The following CNIH3 variants were observed in gnomAD, a reference collection of about 807,000 sequenced individuals.
CNIH3 encodes the protein protein cornichon homolog 3.
In CNIH3, 14 loss-of-function variants were observed where a neutral mutation model predicts 24.1. The observed-to-expected ratio is 0.58, with a 90% CI of 0.38 to 0.91. The LOEUF (loss-of-function observed/expected upper bound fraction) is 0.91. Among genes scored for constraint, CNIH3 ranks in the 40% least tolerant of loss-of-function variants. The pLI is 0.00. For synonymous variants in CNIH3, 68 were observed against 73.8 expected (o/e 0.92, Z 0.40); for missense variants, 178 against 196.8 (o/e 0.90, Z 0.57).
chr1:224,689,573 A>G lies in CNIH3; in HGVS notation c.198+4730A>G, dbSNP rs182768156. Among the ~76,000 whole-genome samples, 115 of 152,228 alleles carry G rather than the reference A, an allele frequency of 7.6e-4. 2 individuals carry two copies. The East Asian group carries it at 0.021, about 28-fold the overall frequency. ...GTTCCGATTCCCAAGCTGTGAGCAC[A>G]TGTTGGGGATGGCGGGGAGGGTTAA... On this transcript the variant is annotated intron_variant, in intron 3 of 5. Transcript: ENST00000272133.
At chr1:224,635,734 C>T (rs971751767) in intron 1 of CNIH3, among the ~76,000 whole-genome samples, 2 of 152,206 alleles carry the variant, frequency 1.3e-5, no homozygotes, top group African/African-American at 4.8e-5. Flanking sequence ...CAGGGTCTCA[C>T]TTTGTTGCCT....
At chr1:224,730,604 C>A in intron 4 of CNIH3, 30 bp downstream of exon 4, 1 of 1,393,170 alleles carries the variant, frequency 7.2e-7, no homozygotes, top group Non-Finnish European at 1.0e-6. Flanking sequence ...GTATATCCTT[C>A]GTCTTTTCTG....
At chr1:224,553,618 C>T (rs1680017083) in intron 3 of CNIH3, among the ~76,000 whole-genome samples, 1 of 152,156 alleles carries the variant, frequency 6.6e-6, no homozygotes, top group Non-Finnish European at 1.5e-5. Context: ...CTACAGCCCG[C>T]TGTGGAAAGT....
At chr1:224,488,476 G>C (rs552848220) in intron 1 of CNIH3, among the ~76,000 whole-genome samples, 3 of 129,778 alleles carry the variant, frequency 2.3e-5, no homozygotes, top group Non-Finnish European at 3.2e-5. Flanking sequence ...TGGGGGGTGG[G>C]GGGGAACAGA....
rs370355767 is a variant in CNIH3 at position 224,688,879 on chromosome 1, C to T, written c.198+4036C>T. Among the ~76,000 whole-genome samples, 6 of 149,520 alleles carry T rather than the reference C, an allele frequency of 4.0e-5. No individual in the cohort carries two copies. The East Asian group carries it at 7.9e-4, about 20-fold the overall frequency. On this transcript the variant is annotated intron_variant, in intron 3 of 5. Coordinates refer to ENST00000272133, the MANE Select transcript of CNIH3 (RefSeq NM_152495.2). ...GGTGGAGGTTGCAGTGAGCCGAGAT[C>T]GCGCCATTGCACTCCAGCCTGGGCA...
At position 224,545,928 on chromosome 1, in the gene CNIH3, T is replaced by A. The variant is rs147570662; in HGVS notation, n.340-901T>A. Among the ~76,000 whole-genome samples the A allele has an allele frequency of 1.1e-3, 173 of 152,280 alleles. 2 individuals carry two copies. The East Asian group carries it at 0.028, about 25-fold the overall frequency. ...AGTCCAACATCAAGGTGTTGGCAGC[T>A]TTGGTTTCTCCCGAGGCCCCTCTCC... On this transcript the variant is annotated intron_variant and non_coding_transcript_variant, in intron 2 of 5. Transcript: ENST00000471578.
chr1:224,496,019 C>T (rs114658440), intron 1 of CNIH3, among the ~76,000 whole-genome samples: 1 of 152,272 alleles, frequency 6.6e-6, no homozygotes, highest in African/African-American at 2.4e-5. Flanking sequence ...TGGAGTGAAA[C>T]ATAATCTGGG....
chr1:224,739,319 T>TTTTTC lies in CNIH3; in HGVS notation c.456-9_456-8insTTTCT. 2 of 1,427,338 alleles carry TTTTTC rather than the reference T, an allele frequency of 1.4e-6. No individual in the cohort carries two copies. Among genetic ancestry groups the TTTTTC allele is most frequent in the Non-Finnish European group, 1.9e-6 (2 of 1,062,798 alleles). The allele number at this position is 1,427,338 out of a possible 1,614,324, so 88.4% of individuals were successfully genotyped here. A position where few individuals can be genotyped will look rare whatever the true frequency, so the allele number is the denominator to read the frequency against. ...TCTTTTTTTTTTTTTTTTTTTTTTT[T>TTTTTC]TGCATTCAGCATGATCTACACTTTA... On this transcript the variant is annotated splice_polypyrimidine_tract_variant and intron_variant, in intron 5 of 5. Transcript: ENST00000272133.
chr1:224,443,692 G>T (rs1316539), intron 1 of CNIH3, among the ~76,000 whole-genome samples: 4,163 of 120,378 alleles, frequency 0.035, 161 homozygotes, highest in African/African-American at 0.18. Flanking sequence ...GATATCTATA[G>T]ATATAGATAT....
chr1:224,714,922 C>T (rs373587670), intron 3 of CNIH3, among the ~76,000 whole-genome samples: 3 of 152,190 alleles, frequency 2.0e-5, no homozygotes, highest in East Asian at 1.9e-4. Flanking sequence ...GTTCAGTCTT[C>T]GGACTAATCC....
At chr1:224,681,060 A>G (rs1306769129) in intron 2 of CNIH3, 34 bp downstream of exon 2, 42 of 1,570,052 alleles carry the variant, frequency 2.7e-5, no homozygotes, top group East Asian at 4.5e-5. Flanking sequence ...GGAAGGTGCT[A>G]TCACCCCAGG....
chr1:224,633,184 G>T (rs563764710), intron 1 of CNIH3, among the ~76,000 whole-genome samples: 1 of 151,714 alleles, frequency 6.6e-6, no homozygotes, highest in East Asian at 1.9e-4. Flanking sequence ...TTTGAGACAC[G>T]TTCTTGCTCT....
intron 1 of CNIH3, among the ~76,000 whole-genome samples, chr1:224,486,553 A>G (rs1413001974): frequency 1.3e-5 from 2 of 152,166 alleles, no homozygotes; most frequent in Admixed American, 6.6e-5. Context: ...ATACACACAT[A>G]CACTTATATG....
chr1:224,727,288 A>C (rs1689082427), intron 3 of CNIH3, among the ~76,000 whole-genome samples: 1 of 152,152 alleles, frequency 6.6e-6, no homozygotes, highest in South Asian at 2.1e-4. Flanking sequence ...AAACAACAAC[A>C]ACAACAACAA....
chr1:224,607,286 C>T (rs975449265), intron 3 of CNIH3, among the ~76,000 whole-genome samples: 1 of 152,108 alleles, frequency 6.6e-6, no homozygotes, highest in Non-Finnish European at 1.5e-5. Flanking sequence ...TAAGGACACA[C>T]CCAGGAAAAA....
intron 3 of CNIH3, among the ~76,000 whole-genome samples, chr1:224,720,365 C>T (rs1473974209): frequency 1.3e-5 from 2 of 151,912 alleles, no homozygotes; most frequent in Admixed American, 1.3e-4. Context: ...ATGAGGTCAG[C>T]TCCCTCCTCT....
At chr1:224,638,340 G>A (rs968762263) in intron 1 of CNIH3, among the ~76,000 whole-genome samples, 1 of 152,214 alleles carries the variant, frequency 6.6e-6, no homozygotes, top group East Asian at 1.9e-4. Context: ...TTGGCCCAGC[G>A]CCTGCCTCCA....
chr1:224,466,870 G>A (rs1013275305), intron 1 of CNIH3, among the ~76,000 whole-genome samples: 1 of 152,022 alleles, frequency 6.6e-6, no homozygotes, highest in African/African-American at 2.4e-5. Flanking sequence ...TTATTAGCTT[G>A]TTACCTGTAT....
At chr1:224,677,690 C>T (rs2125138982) in intron 1 of CNIH3, among the ~76,000 whole-genome samples, 1 of 152,326 alleles carries the variant, frequency 6.6e-6, no homozygotes, top group South Asian at 2.1e-4. Context: ...TTTGGCTCCT[C>T]TCTGCTGCTT....
Sources: allele counts gnomAD v4.1 joint callset (sites outside exome capture counted in the v4.1 genomes callset), GRCh38; gene constraint gnomAD v4.1.1; transcripts MANE v1.5; gene names NCBI Gene and HGNC (gene_info 2026-07-23, HGNC 2026-07-21).